GRIK2: variants seen among roughly 807,000 people sequenced by gnomAD.
GRIK2 encodes glutamate ionotropic receptor kainate type subunit 2.
A neutral mutation model predicts 100.3 loss-of-function variants in GRIK2; 32 were observed. That is an observed-to-expected ratio of 0.32 (90% CI 0.24 to 0.43). The LOEUF is 0.43. GRIK2 is among the 20% of genes least tolerant of loss of function. GRIK2 has a pLI of 1.00. For missense variants in GRIK2, 843 were observed against 1,114.9 expected, an observed-to-expected ratio of 0.76 and a Z score of 3.47; for synonymous variants, 417 against 389.4, an observed-to-expected ratio of 1.07 and a Z score of -0.83.
At chr6:101,513,843 ATTATAT>A (rs1445941097) in intron 2 of GRIK2, among the ~76,000 whole-genome samples, 1 of 91,754 alleles carries the variant, frequency 1.1e-5, no homozygotes, top group African/African-American at 6.6e-5. Context: ...ATCTTAAAAC[ATTATAT>A]TAATTGAACA....
chr6:101,660,765 T>A (rs1396096624), intron 4 of GRIK2, among the ~76,000 whole-genome samples: 2 of 152,120 alleles, frequency 1.3e-5, no homozygotes, highest in African/African-American at 4.8e-5. Context: ...TTGCTGGAGG[T>A]CCACTCCAGA....
At chr6:101,943,132 C>T (rs1456949453) in intron 14 of GRIK2, among the ~76,000 whole-genome samples, 2 of 152,186 alleles carry the variant, frequency 1.3e-5, no homozygotes, top group African/African-American at 4.8e-5. Context: ...TCTAAGGATC[C>T]AAGGTACAGC....
intron 13 of GRIK2, among the ~76,000 whole-genome samples, chr6:101,926,563 A>T (rs1315579994): frequency 1.3e-5 from 2 of 152,202 alleles, no homozygotes; most frequent in Non-Finnish European, 2.9e-5. Context: ...AGTATTTAGG[A>T]ATTAGAGGTA....
At chr6:101,977,012 TA>T (rs745895145) in intron 14 of GRIK2, among the ~76,000 whole-genome samples, 1 of 151,758 alleles carries the variant, frequency 6.6e-6, no homozygotes, top group South Asian at 2.1e-4. Context: ...TGGTATCAAA[TA>T]AAAAATTGGA....
chr6:101,437,644 T>C (rs1417168259), intron 2 of GRIK2, among the ~76,000 whole-genome samples: 4 of 152,150 alleles, frequency 2.6e-5, no homozygotes, highest in Non-Finnish European at 5.9e-5. Context: ...TAGTAGCATA[T>C]TGATTCACTT....
At chr6:101,566,578 AAAC>A (rs1470239004) in intron 2 of GRIK2, among the ~76,000 whole-genome samples, 12 of 151,766 alleles carry the variant, frequency 7.9e-5, no homozygotes, top group South Asian at 2.1e-4. Context: ...TCAAACTAAG[AAAC>A]AACAACTTTA....
At chr6:101,850,821 G>C (rs982201755) in intron 10 of GRIK2, among the ~76,000 whole-genome samples, 7 of 152,076 alleles carry the variant, frequency 4.6e-5, no homozygotes, top group Admixed American at 2.0e-4. Context: ...TGAGAAATCA[G>C]TTAAGTTGCC....
intron 2 of GRIK2, among the ~76,000 whole-genome samples, chr6:101,417,623 C>G (rs1448579986): frequency 6.6e-6 from 1 of 152,170 alleles, no homozygotes; most frequent in Admixed American, 6.5e-5. Flanking sequence ...TCCACCTCCC[C>G]CTAAAAGGAT....
Position 101,612,741 on chromosome 6 carries a change from T to TGTGTG in GRIK2, c.116-9207_116-9203dup, listed in dbSNP as rs1554228578. On this transcript the variant is annotated intron_variant, in intron 2 of 16. Coordinates refer to ENST00000369134, the MANE Select transcript of GRIK2 (RefSeq NM_021956.5). ...ATGTGTGTGTGTGTGTGTGTGTGTG[T>TGTGTG]GTGTGTGTGTGTAGGTACATAGGTC... 5.0e-3 allele frequency among the ~76,000 whole-genome samples: 751 copies of TGTGTG among 151,468 alleles called. 9 individuals carry two copies. The highest frequency in any genetic ancestry group is 0.018 in the African/African-American group (730 of 41,290).
chr6:101,992,298 T>G (rs1446213822), intron 14 of GRIK2, among the ~76,000 whole-genome samples: 1 of 151,550 alleles, frequency 6.6e-6, no homozygotes, highest in Non-Finnish European at 1.5e-5. Flanking sequence ...AATAAATAGA[T>G]TGCTCTACGT....
At chr6:101,509,414 A>G (rs1774191325) in intron 2 of GRIK2, among the ~76,000 whole-genome samples, 1 of 152,160 alleles carries the variant, frequency 6.6e-6, no homozygotes, top group African/African-American at 2.4e-5. Context: ...GAATTTTTAA[A>G]TGAATTAACT....
intron 16 of GRIK2, chr6:102,066,015 A>G: frequency 1.5e-6 from 1 of 654,518 alleles, no homozygotes; most frequent in Non-Finnish European, 2.3e-6. Flanking sequence ...TAATTCATGA[A>G]TTGCAGAACT....
At chr6:101,594,425 C>T (rs1778812949) in intron 2 of GRIK2, among the ~76,000 whole-genome samples, 1 of 151,684 alleles carries the variant, frequency 6.6e-6, no homozygotes, top group Admixed American at 6.6e-5. Flanking sequence ...TATATCACAA[C>T]TTGGAGTAGA....
chr6:101,846,506 G>C (rs1440304502), intron 10 of GRIK2, among the ~76,000 whole-genome samples: 2 of 152,032 alleles, frequency 1.3e-5, no homozygotes, highest in Non-Finnish European at 2.9e-5. Flanking sequence ...TTCTGGTTTA[G>C]TATCAGGGTA....
chr6:101,557,536 G>A (rs916623152), intron 2 of GRIK2, among the ~76,000 whole-genome samples: 1 of 152,066 alleles, frequency 6.6e-6, no homozygotes, highest in African/African-American at 2.4e-5. Context: ...TTAATAAAGT[G>A]GGGTTTTCTT....
chr6:101,916,508 C>G (rs946505578), intron 12 of GRIK2, among the ~76,000 whole-genome samples: 1 of 151,536 alleles, frequency 6.6e-6, no homozygotes, highest in African/African-American at 2.4e-5. Context: ...TAGTATTCCT[C>G]TATAATTAGG....
Position 102,005,390 on chromosome 6 carries a change from T to C in GRIK2, c.2086-29951T>C, listed in dbSNP as rs140254768. On this transcript the variant is annotated intron_variant, in intron 14 of 16. Coordinates refer to ENST00000369134, the MANE Select transcript of GRIK2 (RefSeq NM_021956.5). The stretch of plus-strand genomic sequence containing the variant: ...TCTTATTTATAAATTAGCATAATTT[T>C]ATTGATATTATACAATTTAAGTGAG... 7.0e-3 allele frequency among the ~76,000 whole-genome samples: 1,067 copies of C among 152,190 alleles called. 14 individuals are homozygous for C. Among genetic ancestry groups the C allele is most frequent in the African/African-American group, 0.024 (1,010 of 41,564 alleles).
At chr6:101,584,845 A>T (rs112997203) in intron 2 of GRIK2, among the ~76,000 whole-genome samples, 1 of 151,934 alleles carries the variant, frequency 6.6e-6, no homozygotes, top group Non-Finnish European at 1.5e-5. Flanking sequence ...CACATCAAAA[A>T]TGCAAAAATG....
chr6:101,618,018 G>C (rs1416732172), intron 2 of GRIK2, among the ~76,000 whole-genome samples: 1 of 151,612 alleles, frequency 6.6e-6, no homozygotes, highest in African/African-American at 2.4e-5. Flanking sequence ...TGTTGAGTGT[G>C]TGTCTTGTGT....
Sources: gnomAD v4.1 joint callset for allele counts (sites outside exome capture counted in the v4.1 genomes callset) on GRCh38, gnomAD v4.1.1 for gene constraint, MANE v1.5 for transcripts, NCBI Gene and HGNC (gene_info 2026-07-23, HGNC 2026-07-21) for gene names.